The following SCYL1 variants were observed in gnomAD, a reference collection of about 807,000 sequenced individuals.
SCYL1 encodes N-terminal kinase-like protein.
In SCYL1, 85 loss-of-function variants were observed where a neutral mutation model predicts 94.8. The observed-to-expected ratio is 0.90, with a 90% CI of 0.75 to 1.07. SCYL1 has a LOEUF of 1.07. Ranked by LOEUF, SCYL1 falls within the 50% of genes least tolerant of loss-of-function variation. SCYL1 has a pLI of 0.00. For missense variants in SCYL1, 968 were observed against 1,083.3 expected, an observed-to-expected ratio of 0.89 and a Z score of 1.49; for synonymous variants, 459 against 435.5, an observed-to-expected ratio of 1.05 and a Z score of -0.67.
In SCYL1 at chr11:65,538,325, G is replaced by GT. The variant is rs1590750371; in HGVS notation, c.2302+2dup. The GT allele has an allele frequency of 1.3e-6, 2 of 1,547,978 alleles. No homozygotes were observed. The highest frequency in any genetic ancestry group is 2.4e-5 in the East Asian group (1 of 40,876). Reference sequence around the variant, plus strand: ...TGGGAGGGCCTCGAGACTGACAGTCGTAAGTGCTTCCCCTGGGTGGGCTGA... The same window carrying GT: ...TGGGAGGGCCTCGAGACTGACAGTCGTTAAGTGCTTCCCCTGGGTGGGCTGA... On this transcript the variant is annotated splice_donor_variant, in intron 17 of 17. Coordinates refer to ENST00000270176, the MANE Select transcript of SCYL1 (RefSeq NM_020680.4). LOFTEE classifies it high-confidence loss of function.
At position 65,536,685 on chromosome 11, in the gene SCYL1, T is replaced by C; in HGVS notation, c.1751T>C (p.Leu584Pro). Residue 584 changes from leucine (L) to proline (P), a missense_variant, in exon 13 of 18, where the codon CTG becomes CCG. Physicochemically the swap from Leu to Pro is moderately conservative, Grantham distance 98. Around this residue, in one of 2 missense-constraint regions of SCYL1, gnomAD observed 474 missense variants for 463.6 expected, o/e 1.02. Transcript: ENST00000270176. Reference sequence around the variant, plus strand: ...GGGGTCTCCTCACTCACCTCCAAGCTGATCCGTTCGCACCCAACCACTGCC... The same window carrying C: ...GGGGTCTCCTCACTCACCTCCAAGCCGATCCGTTCGCACCCAACCACTGCC... ...VTGVSSLTSK[L>P]IRSHPTTAPT... 1 of 1,613,898 alleles carries C rather than the reference T, an allele frequency of 6.2e-7. No individual in the cohort carries two copies. The highest frequency in any genetic ancestry group is 8.5e-7 in the Non-Finnish European group (1 of 1,179,806).
intron 6 of SCYL1, among the ~76,000 whole-genome samples, chr11:65,529,577 CT>C (rs1855266334): frequency 6.6e-6 from 1 of 152,246 alleles, no homozygotes; most frequent in African/African-American, 2.4e-5. Context: ...GTCTGAGCTG[CT>C]CAAGGGCCAT....
intron 10 of SCYL1, 163 bp downstream of exon 10, chr11:65,535,545 C>T (rs1855591518): frequency 7.9e-6 from 7 of 882,222 alleles, no homozygotes; most frequent in African/African-American, 1.7e-5. Flanking sequence ...GTGAGTTGGC[C>T]GAAGTCACAC....
At chr11:65,529,033 A>G (rs1855235465) in intron 6 of SCYL1, among the ~76,000 whole-genome samples, 1 of 152,142 alleles carries the variant, frequency 6.6e-6, no homozygotes, top group African/African-American at 2.4e-5. Flanking sequence ...GGGTTGCTGT[A>G]GGGAGGAGGG....
chr11:65,537,958 C>T lies in SCYL1; in HGVS notation c.2032-9C>T. On this transcript the variant is annotated splice_polypyrimidine_tract_variant and intron_variant, in intron 15 of 17. Coordinates refer to ENST00000270176, the MANE Select transcript of SCYL1 (RefSeq NM_020680.4). The stretch of plus-strand genomic sequence containing the variant: ...CCCAGGGCTACTTCCCCCTCCCGCT[C>T]TTCTACAGGTCAGCAACTCCGACCA... 1 of 1,607,032 alleles carries T rather than the reference C, an allele frequency of 6.2e-7. No homozygotes were observed. The highest frequency in any genetic ancestry group is 1.3e-5 in the African/African-American group (1 of 74,936).
chr11:65,537,244 CCCT>C, intron 14 of SCYL1, 116 bp downstream of exon 14: 1 of 1,153,284 alleles, frequency 8.7e-7, no homozygotes, highest in Non-Finnish European at 1.3e-6. Flanking sequence ...AGCACAGCAT[CCCT>C]GGCACGTAGG....
chr11:65,529,378 G>A (rs557502223), intron 6 of SCYL1, among the ~76,000 whole-genome samples: 1 of 152,342 alleles, frequency 6.6e-6, no homozygotes, highest in Admixed American at 6.5e-5. Context: ...AGGAAATAGG[G>A]TTTCGGGAGC....
chr11:65,538,527 C>A lies in SCYL1; in HGVS notation c.2388C>A (p.Ala796=), dbSNP rs370774721. Residue 796 remains alanine, a synonymous_variant, in exon 18 of 18, where the codon GCC becomes GCA. Transcript: ENST00000270176. ...MEAKRAERKV[A]KGPMKLGARK... is the part of the protein sequence containing the mutation. ...CCAAACGCGCCGAGAGGAAGGTGGC[C>A]AAGGGCCCCATGAAGCTGGGAGCCC... The A allele has an allele frequency of 6.4e-5, 103 of 1,610,934 alleles. No homozygotes were observed. The highest frequency in any genetic ancestry group is 8.3e-5 in the Non-Finnish European group (98 of 1,179,298).
Position 65,535,320 on chromosome 11 carries a change from G to A in SCYL1, c.1324G>A (p.Gly442Ser). The change falls in exon 10 of 18, where the codon GGC (glycine) becomes AGC (serine). Residue 442 changes from glycine (G) to serine (S), a missense_variant. Gly to Ser is a moderately conservative substitution (Grantham distance 56). Coordinates refer to ENST00000270176, the MANE Select transcript of SCYL1 (RefSeq NM_020680.4). ...ACGGCTACAGGCCAAGGATGAACAG[G>A]GCCCCATCCGCTGCAACACCACAGT... ...FARLQAKDEQ[G>S]PIRCNTTVCL... 4 of 1,614,240 alleles carry A rather than the reference G, an allele frequency of 2.5e-6. No individual in the cohort carries two copies. The highest frequency in any genetic ancestry group is 3.4e-6 in the Non-Finnish European group (4 of 1,180,032).
intron 6 of SCYL1, among the ~76,000 whole-genome samples, chr11:65,529,904 A>G (rs145589337): frequency 6.6e-6 from 1 of 152,288 alleles, no homozygotes; most frequent in Non-Finnish European, 1.5e-5. Flanking sequence ...CTTGTTGGTA[A>G]AATGTGGATT....
chr11:65,525,730 C>T lies in SCYL1; in HGVS notation c.252+16C>T, dbSNP rs373965208. 6.4e-5 allele frequency: 103 copies of T among 1,611,878 alleles called. No homozygotes were observed. The African/African-American group carries it at 8.5e-4, about 13-fold the overall frequency. The stretch of plus-strand genomic sequence containing the variant: ...TGGACTGGAGGTACCTGCTGCCTTG[C>T]CTGCCCGTCTCTGCCCCTCACGATG... On this transcript the variant is annotated intron_variant, in intron 2 of 17. Transcript: ENST00000270176.
chr11:65,538,109 A>G lies in SCYL1; in HGVS notation c.2174A>G (p.Tyr725Cys), dbSNP rs1406380598. ...PPDGTRLASE[Y>C]NWGGPESSDK... ...GACGGTACACGGCTGGCCAGCGAGTATAACTGGGGTGGCCCAGAGTCCAGC... is the reference window on the plus strand; with the variant it reads ...GACGGTACACGGCTGGCCAGCGAGTGTAACTGGGGTGGCCCAGAGTCCAGC... The change falls in exon 16 of 18, where the codon TAT becomes TGT. Residue 725 changes from tyrosine to cysteine, a missense_variant. Physicochemically the swap from Tyr to Cys is radical, Grantham distance 194. Around this residue, in one of 2 missense-constraint regions of SCYL1, gnomAD observed 474 missense variants for 463.6 expected, o/e 1.02. Coordinates refer to ENST00000270176, the MANE Select transcript of SCYL1 (RefSeq NM_020680.4). The G allele has an allele frequency of 2.5e-6, 4 of 1,604,340 alleles. No homozygotes were observed. Among genetic ancestry groups the G allele is most frequent in the African/African-American group, 2.7e-5 (2 of 74,836 alleles).
At chr11:65,536,818 T>G in intron 13 of SCYL1, 68 bp downstream of exon 13, 4 of 1,510,994 alleles carry the variant, frequency 2.6e-6, no homozygotes, top group Non-Finnish European at 3.6e-6. Flanking sequence ...CAGGAACTCT[T>G]ACTGTCTGAC....
At position 65,526,926 on chromosome 11, in the gene SCYL1, G is replaced by T. The variant is rs202237287; in HGVS notation, c.694-36G>T. 1 of 1,610,056 alleles carries T rather than the reference G, an allele frequency of 6.2e-7. No individual in the cohort carries two copies. The highest frequency in any genetic ancestry group is 8.5e-7 in the Non-Finnish European group (1 of 1,177,300). ...CCTGCCTCAGCCCCTCTGCCAGCTGGCTACCCCTGCCCTGACACTGACCCC... is the reference window on the plus strand; with the variant it reads ...CCTGCCTCAGCCCCTCTGCCAGCTGTCTACCCCTGCCCTGACACTGACCCC... On this transcript the variant is annotated intron_variant, in intron 5 of 17. Coordinates refer to ENST00000270176, the MANE Select transcript of SCYL1 (RefSeq NM_020680.4). The surrounding 1 kb of genome is among the most constrained non-coding windows in gnomAD (Gnocchi z 4.1).
chr11:65,536,461 C>A, intron 12 of SCYL1, 125 bp from the exon 13 acceptor site: 1 of 1,410,922 alleles, frequency 7.1e-7, no homozygotes, highest in Non-Finnish European at 9.8e-7. Flanking sequence ...TCCCCCTTCA[C>A]AGATGGGAGA....
chr11:65,527,773 A>G (rs1855165510), intron 6 of SCYL1, among the ~76,000 whole-genome samples: 1 of 151,558 alleles, frequency 6.6e-6, no homozygotes, highest in African/African-American at 2.4e-5. Context: ...GGTATAATGC[A>G]CATATTCCAA....
At chr11:65,525,885 C>A in intron 2 of SCYL1, 36 bp from the exon 3 acceptor site, 1 of 1,604,816 alleles carries the variant, frequency 6.2e-7, no homozygotes, top group Non-Finnish European at 8.5e-7. Context: ...CCTCTCTGCC[C>A]CTCCGCCCTT....
Position 65,537,104 on chromosome 11 carries a change from C to T in SCYL1, c.1935C>T (p.Asp645=), listed in dbSNP as rs200906015. ...AEDSSTADRW[D]DEDWGSLEQE... is the part of the protein sequence containing the mutation. The stretch of plus-strand genomic sequence containing the variant: ...ACAGCAGCACTGCTGACAGATGGGA[C>T]GACGAAGACTGGGGCAGCCTGGAGG... Residue 645 remains aspartate (D), a synonymous_variant, in exon 14 of 18, where the codon GAC becomes GAT. Transcript: ENST00000270176. 43 of 1,614,148 alleles carry T rather than the reference C, an allele frequency of 2.7e-5. No homozygotes were observed. Among genetic ancestry groups the T allele is most frequent in the Admixed American group, 1.7e-4 (10 of 60,022 alleles).
At chr11:65,535,687 G>A in intron 10 of SCYL1, 1 of 581,456 alleles carries the variant, frequency 1.7e-6, no homozygotes, top group Non-Finnish European at 3.0e-6. Context: ...CGGTCAGCTG[G>A]GCAGGGAGGA....
Sources: allele counts gnomAD v4.1 joint callset (sites outside exome capture counted in the v4.1 genomes callset), GRCh38; gene constraint gnomAD v4.1.1; regional missense constraint gnomAD v4.1.1; non-coding constraint Gnocchi (gnomAD v3.1); transcripts MANE v1.5; gene names NCBI Gene and HGNC (gene_info 2026-07-23, HGNC 2026-07-21).